CCDC73: variants seen among roughly 807,000 people sequenced by gnomAD.
The protein encoded by CCDC73 is coiled-coil domain containing 73.
A neutral mutation model predicts 116.5 loss-of-function variants in CCDC73; 95 were observed. That is an observed-to-expected ratio of 0.82 (90% CI 0.69 to 0.97). The LOEUF is 0.97. CCDC73 is among the 50% of genes least tolerant of loss of function. The probability of loss-of-function intolerance (pLI) is 0.00; values close to 1 mark genes in which losing one functional copy is unlikely to be tolerated. For missense variants in CCDC73, 1,066 were observed against 1,206.8 expected (o/e 0.88, Z 1.73); for synonymous variants, 398 against 401.3 (o/e 0.99, Z 0.10).
At chr11:32,728,406 T>C (rs1339463781) in intron 2 of CCDC73, among the ~76,000 whole-genome samples, 1 of 152,184 alleles carries the variant, frequency 6.6e-6, no homozygotes, top group African/African-American at 2.4e-5. Context: ...CGGGCTGTCT[T>C]ATGTATCCTT....
intron 6 of CCDC73, among the ~76,000 whole-genome samples, chr11:32,686,383 T>C (rs1365071968): frequency 1.0e-4 from 15 of 150,664 alleles, no homozygotes; most frequent in Non-Finnish European, 1.8e-4. Context: ...AAATAGTTAA[T>C]GTAGGATGGA....
intron 14 of CCDC73, among the ~76,000 whole-genome samples, chr11:32,625,219 T>C (rs1345646553): frequency 6.6e-6 from 1 of 152,212 alleles, no homozygotes; most frequent in Non-Finnish European, 1.5e-5. Flanking sequence ...TTAATGGATC[T>C]TGACTCTTTA....
intron 17 of CCDC73, among the ~76,000 whole-genome samples, chr11:32,610,274 G>A (rs1855408992): frequency 1.3e-5 from 2 of 152,150 alleles, no homozygotes; most frequent in Non-Finnish European, 2.9e-5. Flanking sequence ...GGGAACTGTG[G>A]GAGTGACAAT....
At chr11:32,776,925 TAAAA>T (rs747492382) in intron 1 of CCDC73, among the ~76,000 whole-genome samples, 5,292 of 126,924 alleles carry the variant, frequency 0.042, 149 homozygotes, top group Non-Finnish European at 0.05. Flanking sequence ...AGAGTATGGT[TAAAA>T]AAAAAAAATA....
chr11:32,817,147 C>T, the CCDC73 span, among the ~76,000 whole-genome samples: 1 of 152,226 alleles, frequency 6.6e-6, no homozygotes, highest in East Asian at 1.9e-4. Flanking sequence ...AGTCTTGATT[C>T]AGGTTAGCTA....
chr11:32,735,788 C>G (rs1276953073), intron 2 of CCDC73, among the ~76,000 whole-genome samples: 1 of 152,186 alleles, frequency 6.6e-6, no homozygotes, highest in African/African-American at 2.4e-5. Context: ...ACCAAAACAG[C>G]ATGGTACTGG....
chr11:32,685,627 G>A (rs74714241), intron 6 of CCDC73, among the ~76,000 whole-genome samples: 6,967 of 151,694 alleles, frequency 0.046, 177 homozygotes, highest in African/African-American at 0.057. Flanking sequence ...TGTAGACCTC[G>A]TTATGTGTGA....
intron 14 of CCDC73, among the ~76,000 whole-genome samples, chr11:32,622,885 T>G (rs142011255): frequency 6.6e-6 from 1 of 151,500 alleles, no homozygotes; most frequent in East Asian, 1.9e-4. Context: ...CGAAATATAA[T>G]AGAAGAAAAG....
the CCDC73 span, among the ~76,000 whole-genome samples, chr11:32,823,820 G>A: frequency 6.6e-6 from 1 of 151,994 alleles, no homozygotes; most frequent in East Asian, 1.9e-4. Flanking sequence ...ACTCAGTGCA[G>A]CCCTGATCTC....
intron 14 of CCDC73, among the ~76,000 whole-genome samples, chr11:32,626,661 G>A (rs1324502349): frequency 4.6e-5 from 7 of 152,144 alleles, no homozygotes; most frequent in Non-Finnish European, 7.4e-5. Flanking sequence ...AGAGCCTTCA[G>A]AAATAATGCC....
At chr11:32,825,894 C>A in the CCDC73 span, among the ~76,000 whole-genome samples, 1 of 152,178 alleles carries the variant, frequency 6.6e-6, no homozygotes, top group African/African-American at 2.4e-5. Flanking sequence ...CCAGCCATGA[C>A]ACAAGTCCCT....
intron 9 of CCDC73, 45 bp downstream of exon 9, chr11:32,675,520 A>G (rs763907779): frequency 8.2e-7 from 1 of 1,217,532 alleles, no homozygotes; most frequent in Non-Finnish European, 1.2e-6. Context: ...AGACTATTTT[A>G]TATTATAATT....
intron 2 of CCDC73, among the ~76,000 whole-genome samples, chr11:32,745,190 T>G (rs61889459): frequency 0.16 from 23,786 of 152,170 alleles, 1,988 homozygotes; most frequent in South Asian, 0.27. Flanking sequence ...AGCAGGTTGT[T>G]CAGTTTCCAT....
At chr11:32,768,257 GTGGGAATTGAACAA>G (rs1850460920) in intron 1 of CCDC73, among the ~76,000 whole-genome samples, 1 of 152,140 alleles carries the variant, frequency 6.6e-6, no homozygotes, top group Non-Finnish European at 1.5e-5. Context: ...TCACTCATAG[GTGGGAATTGAACAA>G]TGAGAACACT....
intron 2 of CCDC73, chr11:32,758,345 TG>T: frequency 4.0e-6 from 2 of 505,514 alleles, no homozygotes. Context: ...CCCAAACCCC[TG>T]GTAATAGAAT....
chr11:32,686,675 C>T (rs956000025), intron 6 of CCDC73, among the ~76,000 whole-genome samples: 1 of 152,166 alleles, frequency 6.6e-6, no homozygotes, highest in African/African-American at 2.4e-5. Context: ...CCGTTCTTCA[C>T]ACACCTTATT....
the CCDC73 span, among the ~76,000 whole-genome samples, chr11:32,824,186 C>T: frequency 1.3e-5 from 2 of 152,266 alleles, no homozygotes; most frequent in South Asian, 2.1e-4. Context: ...TGAGCCACCA[C>T]GCCCAGCCCC....
chr11:32,608,033 C>T (rs1590539697), intron 17 of CCDC73, among the ~76,000 whole-genome samples: 1 of 144,836 alleles, frequency 6.9e-6, no homozygotes, highest in African/African-American at 2.5e-5. Flanking sequence ...GCCCCCCCCA[C>T]GATTCTATTA....
intron 14 of CCDC73, among the ~76,000 whole-genome samples, chr11:32,633,324 A>C (rs928038367): frequency 2.0e-5 from 3 of 152,214 alleles, no homozygotes; most frequent in African/African-American, 7.2e-5. Flanking sequence ...GAGGGGCATC[A>C]ATTTGATCCT....
Sources: gnomAD v4.1 joint callset for allele counts (sites outside exome capture counted in the v4.1 genomes callset) on GRCh38, gnomAD v4.1.1 for gene constraint, MANE v1.5 for transcripts, NCBI Gene and HGNC (gene_info 2026-07-23, HGNC 2026-07-21) for gene names.